Variants in TRAPPC9 observed in about 807,000 individuals in gnomAD.
The protein encoded by TRAPPC9 is IKK2 binding protein.
In TRAPPC9, 83 loss-of-function variants were observed where a neutral mutation model predicts 124.0. That is an observed-to-expected ratio of 0.67 (90% CI 0.56 to 0.80). TRAPPC9 has a LOEUF of 0.80. TRAPPC9 is among the 30% of genes least tolerant of loss of function. The probability of loss-of-function intolerance (pLI) is 0.00; values close to 1 mark genes in which losing one functional copy is unlikely to be tolerated. For missense variants in TRAPPC9, 1,302 were observed against 1,508.3 expected (o/e 0.86, Z 2.27); for synonymous variants, 638 against 617.5 (o/e 1.03, Z -0.49).
chr8:140,186,307 G>A (rs1431412873), intron 17 of TRAPPC9, among the ~76,000 whole-genome samples: 2 of 152,112 alleles, frequency 1.3e-5, no homozygotes, highest in Non-Finnish European at 2.9e-5. Context: ...TATTAGGCTG[G>A]GCATGGTGGC....
intron 2 of TRAPPC9, among the ~76,000 whole-genome samples, chr8:140,447,833 C>T (rs967492670): frequency 2.0e-5 from 3 of 152,118 alleles, no homozygotes; most frequent in Non-Finnish European, 2.9e-5. Flanking sequence ...TGTTCCTGCA[C>T]CAAAGCATTC....
At chr8:140,286,799 C>T (rs1173337536) in intron 13 of TRAPPC9, among the ~76,000 whole-genome samples, 7 of 152,142 alleles carry the variant, frequency 4.6e-5, no homozygotes, top group Non-Finnish European at 1.0e-4. Context: ...CCCTGGAAAT[C>T]ATCTGCACAT....
intron 11 of TRAPPC9, among the ~76,000 whole-genome samples, chr8:140,298,485 T>C (rs1463585309): frequency 6.6e-6 from 1 of 152,044 alleles, no homozygotes. Flanking sequence ...AAACTCCGTC[T>C]CTACAAAAAA....
At chr8:139,942,411 A>G (rs1451873542) in intron 19 of TRAPPC9, among the ~76,000 whole-genome samples, 1 of 152,178 alleles carries the variant, frequency 6.6e-6, no homozygotes, top group Non-Finnish European at 1.5e-5. Context: ...GAATCTTAAG[A>G]GCTTCTAATG....
chr8:139,755,772 G>A (rs866076446), intron 21 of TRAPPC9, among the ~76,000 whole-genome samples: 84 of 135,194 alleles, frequency 6.2e-4, no homozygotes, highest in Non-Finnish European at 1.1e-3. Flanking sequence ...CCAGGGTTTG[G>A]GGATGAGGAC....
At chr8:139,758,387 T>C (rs1008161471) in intron 21 of TRAPPC9, among the ~76,000 whole-genome samples, 3 of 152,222 alleles carry the variant, frequency 2.0e-5, no homozygotes, top group Non-Finnish European at 4.4e-5. Flanking sequence ...GGAAAGAAAC[T>C]AAAGCTGAAC....
intron 19 of TRAPPC9, among the ~76,000 whole-genome samples, chr8:139,939,847 G>A (rs967233911): frequency 6.6e-5 from 10 of 152,216 alleles, no homozygotes; most frequent in Non-Finnish European, 1.2e-4. Flanking sequence ...CAGGAAGAGA[G>A]GGAGGCTGGT....
chr8:140,185,278 CGCACGTGGAGTCAGAGAACTCG>C (rs1033249696), intron 17 of TRAPPC9, among the ~76,000 whole-genome samples: 4 of 152,208 alleles, frequency 2.6e-5, no homozygotes, highest in African/African-American at 4.8e-5. Context: ...GCAGGACACA[CGCACGTGGAGTCAGAGAACTCG>C]GCACGGCAGG....
intron 21 of TRAPPC9, among the ~76,000 whole-genome samples, chr8:139,737,643 TG>T (rs1451300377): frequency 3.9e-5 from 6 of 152,276 alleles, no homozygotes; most frequent in Non-Finnish European, 8.8e-5. Flanking sequence ...CCAGGCGGGA[TG>T]GGGCGGGATT....
intron 19 of TRAPPC9, among the ~76,000 whole-genome samples, chr8:139,941,063 G>T (rs903113348): frequency 6.6e-6 from 1 of 152,224 alleles, no homozygotes; most frequent in Non-Finnish European, 1.5e-5. Context: ...TCTGTGGCAG[G>T]CCCAGAACCC....
intron 21 of TRAPPC9, among the ~76,000 whole-genome samples, chr8:139,852,759 G>A (rs1827565810): frequency 1.3e-5 from 2 of 152,332 alleles, no homozygotes; most frequent in South Asian, 2.1e-4. Flanking sequence ...GCTACCTTGG[G>A]CTGGCTGGGA....
chr8:140,377,575 A>G (rs143758969), intron 7 of TRAPPC9, among the ~76,000 whole-genome samples: 5,448 of 152,274 alleles, frequency 0.036, 209 homozygotes, highest in African/African-American at 0.097. Flanking sequence ...GATTACAGGC[A>G]TGAGCCACTG....
At chr8:139,784,193 T>C (rs565630827) in intron 21 of TRAPPC9, among the ~76,000 whole-genome samples, 16 of 152,356 alleles carry the variant, frequency 1.1e-4, no homozygotes, top group Middle Eastern at 3.4e-3. Context: ...TATCCTCAGA[T>C]GACATGATTG....
At chr8:140,007,634 T>C (rs2131830528) in intron 18 of TRAPPC9, among the ~76,000 whole-genome samples, 1 of 152,336 alleles carries the variant, frequency 6.6e-6, no homozygotes. Flanking sequence ...TGTTGCACAA[T>C]CTACCTTTCA....
intron 21 of TRAPPC9, among the ~76,000 whole-genome samples, chr8:139,823,290 G>C (rs1281335929): frequency 1.3e-5 from 2 of 152,068 alleles, no homozygotes; most frequent in Non-Finnish European, 2.9e-5. Flanking sequence ...GTCTGATGTG[G>C]AGAAAGAGTG....
chr8:140,307,029 G>A (rs755915068), intron 10 of TRAPPC9, among the ~76,000 whole-genome samples: 2 of 152,094 alleles, frequency 1.3e-5, no homozygotes, highest in African/African-American at 2.4e-5. Context: ...AACTACACAC[G>A]GTCTCCTTGC....
intron 21 of TRAPPC9, among the ~76,000 whole-genome samples, chr8:139,733,567 G>A (rs1033340092): frequency 5.3e-5 from 8 of 152,184 alleles, no homozygotes; most frequent in African/African-American, 1.9e-4. Flanking sequence ...TACAAACTGC[G>A]TGGCCCTGGG....
chr8:140,127,676 T>C (rs1296601585), intron 17 of TRAPPC9, among the ~76,000 whole-genome samples: 1 of 152,248 alleles, frequency 6.6e-6, no homozygotes, highest in South Asian at 2.1e-4. Context: ...AATAATTTCA[T>C]TTTATCAACA....
chr8:140,410,219 A>G (rs1390815875), intron 5 of TRAPPC9, among the ~76,000 whole-genome samples: 1 of 147,242 alleles, frequency 6.8e-6, no homozygotes, highest in Non-Finnish European at 1.5e-5. Context: ...TATAGTTTTG[A>G]TTTTTGGAAT....
Sources: gnomAD v4.1 joint callset for allele counts (sites outside exome capture counted in the v4.1 genomes callset) on GRCh38, gnomAD v4.1.1 for gene constraint, MANE v1.5 for transcripts, NCBI Gene and HGNC (gene_info 2026-07-23, HGNC 2026-07-21) for gene names.